Variants in COMMD10 observed in about 807,000 individuals in gnomAD.
COMMD10 encodes COMM domain containing 10.
Under a neutral mutation model 28.9 loss-of-function variants are expected in COMMD10, and 33 were observed. That is an observed-to-expected ratio of 1.14 (90% CI 0.87 to 1.53). The LOEUF (loss-of-function observed/expected upper bound fraction) is 1.53. COMMD10 is among the 40% of genes most tolerant of loss of function. COMMD10 has a pLI of 0.00. For synonymous variants in COMMD10, 110 were observed against 81.7 expected (o/e 1.35, Z -1.87); for missense variants, 310 against 233.4 (o/e 1.33, Z -2.14).
At chr5:116,265,887 C>T (rs1459304949) in intron 5 of COMMD10, among the ~76,000 whole-genome samples, 1 of 151,692 alleles carries the variant, frequency 6.6e-6, no homozygotes, top group Non-Finnish European at 1.5e-5. Flanking sequence ...AAGACAAGAT[C>T]CTACCCTTAA....
intron 4 of COMMD10, among the ~76,000 whole-genome samples, chr5:116,113,506 T>C (rs1215240278): frequency 6.6e-6 from 1 of 151,972 alleles, no homozygotes; most frequent in African/African-American, 2.4e-5. Context: ...ATTTTTAAAA[T>C]TTTTATCAGA....
chr5:116,247,078 C>A (rs1482303602), intron 5 of COMMD10, among the ~76,000 whole-genome samples: 1 of 151,068 alleles, frequency 6.6e-6, no homozygotes, highest in South Asian at 2.1e-4. Context: ...TTGCATCCAA[C>A]AAAGGTCTAA....
intron 5 of COMMD10, among the ~76,000 whole-genome samples, chr5:116,232,982 T>C (rs1399312490): frequency 6.6e-6 from 1 of 152,184 alleles, no homozygotes; most frequent in African/African-American, 2.4e-5. Context: ...ATTCGTCAAT[T>C]CCGGCTAAAT....
At chr5:116,216,433 T>A (rs926503587) in intron 5 of COMMD10, among the ~76,000 whole-genome samples, 1 of 152,234 alleles carries the variant, frequency 6.6e-6, no homozygotes, top group Non-Finnish European at 1.5e-5. Context: ...TAATAGGTTA[T>A]GTTTTTGTAC....
At position 116,202,865 on chromosome 5, in the gene COMMD10, T is replaced by G. The variant is rs1465565549; in HGVS notation, c.510+68687T>G. Among the ~76,000 whole-genome samples, 4 of 152,246 alleles carry G rather than the reference T, an allele frequency of 2.6e-5. No individual in the cohort carries two copies. The East Asian group carries it at 7.7e-4, about 29-fold the overall frequency. On this transcript the variant is annotated intron_variant, in intron 5 of 6. Transcript: ENST00000274458. Reference sequence around the variant, plus strand: ...TGTTCACTCCGATGGTAGTTTCTTTTGCTGTGCAGAAGCTCTTTGGTTTAA... The same window carrying G: ...TGTTCACTCCGATGGTAGTTTCTTTGGCTGTGCAGAAGCTCTTTGGTTTAA...
intron 5 of COMMD10, among the ~76,000 whole-genome samples, chr5:116,212,362 A>G (rs1396118336): frequency 1.3e-5 from 2 of 152,106 alleles, no homozygotes; most frequent in African/African-American, 2.4e-5. Context: ...AAGTAAATAT[A>G]TCTACATATC....
intron 5 of COMMD10, among the ~76,000 whole-genome samples, chr5:116,247,359 A>G (rs1012271890): frequency 2.6e-5 from 4 of 152,088 alleles, no homozygotes; most frequent in African/African-American, 9.7e-5. Context: ...ACACTTATAC[A>G]CTGTTGGTGG....
intron 5 of COMMD10, among the ~76,000 whole-genome samples, chr5:116,169,480 A>T (rs1471606520): frequency 6.6e-6 from 1 of 152,200 alleles, no homozygotes; most frequent in African/African-American, 2.4e-5. Context: ...CTCCTCCCTA[A>T]TTCATTTAAG....
At chr5:116,259,623 A>G (rs1412042880) in intron 5 of COMMD10, among the ~76,000 whole-genome samples, 1 of 151,704 alleles carries the variant, frequency 6.6e-6, no homozygotes, top group Non-Finnish European at 1.5e-5. Flanking sequence ...ATCAGCCCAA[A>G]TGAGAATCCC....
chr5:116,279,462 C>T (rs1330067565), intron 5 of COMMD10, among the ~76,000 whole-genome samples: 2 of 151,676 alleles, frequency 1.3e-5, no homozygotes, highest in Non-Finnish European at 2.9e-5. Flanking sequence ...CAGGAGTTTC[C>T]GTTTGCCCAG....
chr5:116,162,189 A>G (rs908510763), intron 5 of COMMD10, among the ~76,000 whole-genome samples: 1 of 152,216 alleles, frequency 6.6e-6, no homozygotes, highest in Admixed American at 6.5e-5. Flanking sequence ...ACAATAATTT[A>G]TAGATAGCTT....
intron 4 of COMMD10, among the ~76,000 whole-genome samples, chr5:116,125,613 G>A (rs932188112): frequency 3.3e-5 from 5 of 152,116 alleles, no homozygotes; most frequent in Non-Finnish European, 5.9e-5. Context: ...CTAGCTTGGG[G>A]AAGTTCTCCT....
At chr5:116,277,363 G>C (rs1750946735) in intron 5 of COMMD10, among the ~76,000 whole-genome samples, 1 of 151,874 alleles carries the variant, frequency 6.6e-6, no homozygotes, top group Non-Finnish European at 1.5e-5. Context: ...TAGGTTAGCA[G>C]AGAACTAATG....
chr5:116,091,121 G>A lies in COMMD10; in HGVS notation c.175G>A (p.Ala59Thr). The change falls in exon 3 of 7, where the codon GCG (alanine) becomes ACG (threonine). Residue 59 changes from alanine to threonine, a missense_variant. Physicochemically the swap from Ala to Thr is moderately conservative, Grantham distance 58 (BLOSUM62 0). Coordinates refer to ENST00000274458, the MANE Select transcript of COMMD10 (RefSeq NM_016144.4). ...TGAAGAAGAGGAAGAAAAACTTCAA[G>A]CGGCATTTTCTCTAGAGAAACAAGA... Reference protein sequence around the residue: ...FSEEEEEKLQAAFSLEKQDLH... With the variant: ...FSEEEEEKLQTAFSLEKQDLH... The A allele has an allele frequency of 1.2e-6, 2 of 1,612,150 alleles. No individual in the cohort carries two copies. The highest frequency in any genetic ancestry group is 1.7e-6 in the Non-Finnish European group (2 of 1,179,006).
chr5:116,240,221 G>A (rs143614410), intron 5 of COMMD10, among the ~76,000 whole-genome samples: 1 of 151,924 alleles, frequency 6.6e-6, no homozygotes, highest in Non-Finnish European at 1.5e-5. Flanking sequence ...GGGAGAAATG[G>A]AAGACGTAAC....
At chr5:116,208,513 T>A (rs10900714) in intron 5 of COMMD10, among the ~76,000 whole-genome samples, 48,879 of 152,070 alleles carry the variant, frequency 0.32, 11,106 homozygotes, top group African/African-American at 0.65. Flanking sequence ...GAATTCTGAC[T>A]CTTTGGGATC....
At chr5:116,203,422 C>A (rs546650646) in intron 5 of COMMD10, among the ~76,000 whole-genome samples, 2 of 151,988 alleles carry the variant, frequency 1.3e-5, no homozygotes, top group Admixed American at 6.6e-5. Context: ...AAGAGCAACT[C>A]CGAGACACAT....
rs143253416 is a variant in COMMD10, at chr5:116,248,625, C to T, written c.511-42892C>T. 2.7e-3 allele frequency among the ~76,000 whole-genome samples: 403 copies of T among 151,974 alleles called. 2 individuals carry two copies. The highest frequency in any genetic ancestry group is 9.2e-3 in the African/African-American group (382 of 41,502). ...AGACTTGCACAATTTCTGGGAGTGG[C>T]CTTCTGTATAGCAGTTATTCATACA... On this transcript the variant is annotated intron_variant, in intron 5 of 6. Coordinates refer to ENST00000274458, the MANE Select transcript of COMMD10 (RefSeq NM_016144.4).
chr5:116,199,030 C>A lies in COMMD10; in HGVS notation c.510+64852C>A, dbSNP rs572815025. On this transcript the variant is annotated intron_variant, in intron 5 of 6. Coordinates refer to ENST00000274458, the MANE Select transcript of COMMD10 (RefSeq NM_016144.4). Reference sequence around the variant, plus strand: ...GCATGTTTAGTTTTGTGAGAAATTGCCAAACTGTCTTTCATGGTGGTTGTA... The same window carrying A: ...GCATGTTTAGTTTTGTGAGAAATTGACAAACTGTCTTTCATGGTGGTTGTA... Among the ~76,000 whole-genome samples, 67 of 152,198 alleles carry A rather than the reference C, an allele frequency of 4.4e-4. 3 individuals carry two copies. In the South Asian group the frequency reaches 0.014, roughly 31 times the overall value.
Sources: allele counts gnomAD v4.1 joint callset (sites outside exome capture counted in the v4.1 genomes callset), GRCh38; gene constraint gnomAD v4.1.1; transcripts MANE v1.5; gene names NCBI Gene and HGNC (gene_info 2026-07-23, HGNC 2026-07-21).